The following TENM4 variants were observed in gnomAD, a reference collection of about 807,000 sequenced individuals.
TENM4 encodes the protein teneurin transmembrane protein 4.
TENM4 carries 82 observed loss-of-function variants against 243.3 expected under a neutral mutation model. The observed-to-expected ratio is 0.34, with a 90% confidence interval of 0.28 to 0.40. TENM4 has a LOEUF of 0.40. Among genes scored for constraint, TENM4 ranks in the 10% least tolerant of loss-of-function variants. The pLI is 1.00. For missense variants in TENM4, 3,138 were observed against 3,673.3 expected (o/e 0.85, Z 3.77); for synonymous variants, 1,412 against 1,456.3 (o/e 0.97, Z 0.69).
intron 6 of TENM4, among the ~76,000 whole-genome samples, chr11:79,059,361 T>C (rs183971992): frequency 6.6e-6 from 1 of 152,328 alleles, no homozygotes; most frequent in East Asian, 1.9e-4. Flanking sequence ...TACTAGGCTT[T>C]CAAGCCCCAT....
intron 6 of TENM4, among the ~76,000 whole-genome samples, chr11:78,988,236 G>T (rs1165529174): frequency 6.6e-6 from 1 of 152,160 alleles, no homozygotes; most frequent in Non-Finnish European, 1.5e-5. Flanking sequence ...GTAAGAAACT[G>T]AGGCCTCCTG....
At chr11:79,424,633 CA>C (rs58550229) in intron 1 of TENM4, among the ~76,000 whole-genome samples, 161 of 133,834 alleles carry the variant, frequency 1.2e-3, no homozygotes, top group Non-Finnish European at 1.1e-3. Flanking sequence ...ACCCTGTCTC[CA>C]AAAAAAAAAA....
chr11:78,931,382 C>T (rs920405935), intron 6 of TENM4, among the ~76,000 whole-genome samples: 1 of 152,122 alleles, frequency 6.6e-6, no homozygotes. Flanking sequence ...CTGGGCCCTG[C>T]GGTTTGTCTG....
Position 78,669,008 on chromosome 11 carries a change from G to T in TENM4, c.7337C>A (p.Pro2446His). The change falls in exon 32 of 34, where the codon CCT becomes CAT. Residue 2446 changes from proline to histidine, a missense_variant. Transcript: ENST00000278550. This position sits in a 1 kb window ranked among gnomAD's most constrained non-coding sequence, Gnocchi z 6.4. ...GTTTTTGAACATATAGAGATTAAAA[G>T]GCATGACGTTGCTGCTACTAAGGTG... ...WKHLSSSNVM[P>H]FNLYMFKNNN... The T allele has an allele frequency of 6.2e-7, 1 of 1,613,992 alleles. No individual in the cohort carries two copies. The highest frequency in any genetic ancestry group is 1.3e-5 in the African/African-American group (1 of 75,058).
chr11:79,164,773 G>C (rs1019755273), intron 3 of TENM4, among the ~76,000 whole-genome samples: 5 of 151,274 alleles, frequency 3.3e-5, no homozygotes, highest in African/African-American at 1.2e-4. Context: ...GTTTATCAGG[G>C]GTTTCTGTTT....
intron 6 of TENM4, among the ~76,000 whole-genome samples, chr11:78,918,580 C>T (rs1369463): frequency 6.6e-6 from 1 of 152,252 alleles, no homozygotes; most frequent in Admixed American, 6.5e-5. Flanking sequence ...ACTGTTCTGC[C>T]TAATTTATAC....
At chr11:79,026,648 C>T (rs7126642) in intron 6 of TENM4, among the ~76,000 whole-genome samples, 52,110 of 151,928 alleles carry the variant, frequency 0.34, 11,039 homozygotes, top group African/African-American at 0.6. Flanking sequence ...CTATGAATTA[C>T]TTCAGCTACT....
intron 4 of TENM4, among the ~76,000 whole-genome samples, chr11:79,132,213 G>GT (rs1203658477): frequency 6.6e-6 from 1 of 151,620 alleles, no homozygotes; most frequent in Non-Finnish European, 1.5e-5. Flanking sequence ...GGGCGCGGTG[G>GT]TGGGTGCCTG....
At chr11:79,198,607 A>G (rs1404243527) in intron 3 of TENM4, among the ~76,000 whole-genome samples, 1 of 152,244 alleles carries the variant, frequency 6.6e-6, no homozygotes, top group Admixed American at 6.5e-5. Context: ...AGTTGGTGGG[A>G]ATAGACCCAG....
intron 6 of TENM4, among the ~76,000 whole-genome samples, chr11:79,053,602 G>C (rs1279487544): frequency 6.6e-6 from 1 of 152,198 alleles, no homozygotes; most frequent in Non-Finnish European, 1.5e-5. Flanking sequence ...CCAGAAGTCA[G>C]ACCCATGTTC....
At chr11:78,775,787 T>C (rs1856729414) in intron 17 of TENM4, among the ~76,000 whole-genome samples, 1 of 152,190 alleles carries the variant, frequency 6.6e-6, no homozygotes, top group South Asian at 2.1e-4. Context: ...CAAAGTAATG[T>C]AATTTTAAAG....
At chr11:78,871,284 C>T (rs1447760024) in intron 9 of TENM4, among the ~76,000 whole-genome samples, 3 of 152,096 alleles carry the variant, frequency 2.0e-5, no homozygotes, top group Non-Finnish European at 2.9e-5. Flanking sequence ...AAAGAAGTGA[C>T]GTGTTTTATG....
chr11:78,982,760 C>G (rs1319655213), intron 6 of TENM4, among the ~76,000 whole-genome samples: 1 of 152,232 alleles, frequency 6.6e-6, no homozygotes, highest in Non-Finnish European at 1.5e-5. Flanking sequence ...TTTCCTGATG[C>G]CCAGCTGAGA....
intron 6 of TENM4, among the ~76,000 whole-genome samples, chr11:79,025,425 A>C (rs560620963): frequency 2.0e-5 from 3 of 152,314 alleles, no homozygotes; most frequent in African/African-American, 7.2e-5. Context: ...AGCTCCGTGA[A>C]GTTTTGTAAA....
intron 9 of TENM4, among the ~76,000 whole-genome samples, chr11:78,883,083 C>A (rs55902110): frequency 6.6e-6 from 1 of 152,140 alleles, no homozygotes; most frequent in African/African-American, 2.4e-5. Flanking sequence ...AAGGACCTTA[C>A]AGGACAATCC....
chr11:79,087,013 TGCTCTAA>T (rs1345218848), intron 4 of TENM4, among the ~76,000 whole-genome samples: 1 of 152,196 alleles, frequency 6.6e-6, no homozygotes, highest in Non-Finnish European at 1.5e-5. Flanking sequence ...CTTAATTATA[TGCTCTAA>T]GCTCTACAGA....
intron 2 of TENM4, among the ~76,000 whole-genome samples, chr11:79,291,447 T>C (rs955170001): frequency 1.3e-5 from 2 of 152,010 alleles, no homozygotes; most frequent in Admixed American, 6.6e-5. Context: ...AGCATGGTCA[T>C]GGGGGGGTGT....
intron 3 of TENM4, among the ~76,000 whole-genome samples, chr11:79,161,194 T>C (rs966005616): frequency 6.6e-6 from 1 of 152,212 alleles, no homozygotes; most frequent in Non-Finnish European, 1.5e-5. Context: ...ACTGTTCTGA[T>C]CTCTGTTAAA....
At chr11:78,745,835 C>T (rs1371003748) in intron 19 of TENM4, among the ~76,000 whole-genome samples, 2 of 152,060 alleles carry the variant, frequency 1.3e-5, no homozygotes, top group Non-Finnish European at 2.9e-5. Context: ...ATTATTATAC[C>T]CCAAAGCCAA....
Sources: allele counts gnomAD v4.1 joint callset (sites outside exome capture counted in the v4.1 genomes callset), GRCh38; gene constraint gnomAD v4.1.1; non-coding constraint Gnocchi (gnomAD v3.1); transcripts MANE v1.5; gene names NCBI Gene and HGNC (gene_info 2026-07-23, HGNC 2026-07-21).